The following PDE9A variants were observed in gnomAD, a reference collection of about 807,000 sequenced individuals.
PDE9A encodes the protein phosphodiesterase 9A, also known as high affinity cGMP-specific 3',5'-cyclic phosphodiesterase 9A.
Under a neutral mutation model 87.4 loss-of-function variants are expected in PDE9A, and 60 were observed. The ratio of observed to expected loss-of-function variants is 0.69; its 90% CI spans 0.56 to 0.85. PDE9A has a LOEUF of 0.85. Among genes scored for constraint, PDE9A ranks in the 40% least tolerant of loss-of-function variants. PDE9A has a pLI of 0.00. For missense variants in PDE9A, 665 were observed against 779.0 expected (o/e 0.85, Z 1.74); for synonymous variants, 272 against 279.4 (o/e 0.97, Z 0.27).
At chr21:42,708,596 C>T (rs535981136) in intron 4 of PDE9A, among the ~76,000 whole-genome samples, 194 of 152,188 alleles carry the variant, frequency 1.3e-3, no homozygotes, top group African/African-American at 4.3e-3. Context: ...CTCTTGTTGC[C>T]GAGGCTGGAG....
rs113732074 is a variant in PDE9A at position 42,755,552 on chromosome 21, A to G, written c.810+1488A>G. On this transcript the variant is annotated intron_variant, in intron 10 of 19. Coordinates refer to ENST00000291539, the MANE Select transcript of PDE9A (RefSeq NM_002606.3). ...AGAGACGACAGAAGAGGCTTTAAAT[A>G]TGCAGAATGACTGTCTAGGTCAACG... 3.1e-4 allele frequency among the ~76,000 whole-genome samples: 47 copies of G among 152,340 alleles called. 1 individual carries two copies. The highest frequency in any genetic ancestry group is 3.4e-3 in the Middle Eastern group (1 of 294).
At position 42,666,274 on chromosome 21, in the gene PDE9A, G is replaced by A. The variant is rs528346072; in HGVS notation, c.69+12391G>A. ...TTGGACTTGGGTTCTCCTTGTCGAC[G>A]AGGATCTCAGCTGGAGCTGCCAGGG... On this transcript the variant is annotated intron_variant, in intron 1 of 19. Transcript: ENST00000291539. Among the ~76,000 whole-genome samples the A allele has an allele frequency of 4.6e-5, 7 of 152,320 alleles. 1 individual carries two copies. The South Asian group carries it at 8.3e-4, about 18-fold the overall frequency.
At chr21:42,674,418 G>T (rs1305150086) in intron 1 of PDE9A, among the ~76,000 whole-genome samples, 1 of 151,236 alleles carries the variant, frequency 6.6e-6, no homozygotes, top group East Asian at 1.9e-4. Context: ...TGGCCCTTGG[G>T]GAGTGAGGCC....
At position 42,675,008 on chromosome 21, in the gene PDE9A, G is replaced by A. The variant is rs2058766897; in HGVS notation, c.70-11184G>A. On this transcript the variant is annotated intron_variant, in intron 1 of 19. Coordinates refer to ENST00000291539, the MANE Select transcript of PDE9A (RefSeq NM_002606.3). The surrounding 1 kb of genome is among the most constrained non-coding windows in gnomAD (Gnocchi z 4.3). The stretch of plus-strand genomic sequence containing the variant: ...CTGAAAAATGCAGAACAGTATCAGG[G>A]AGAAAATAACTCATCCCCCACTACC... Among the ~76,000 whole-genome samples, 6 of 152,276 alleles carry A rather than the reference G, an allele frequency of 3.9e-5. No homozygotes were observed. In the South Asian group the frequency reaches 1.2e-3, roughly 32 times the overall value.
chr21:42,733,008 C>T (rs1381067664), intron 6 of PDE9A, among the ~76,000 whole-genome samples: 1 of 152,204 alleles, frequency 6.6e-6, no homozygotes, highest in African/African-American at 2.4e-5. Flanking sequence ...TGTCTGTGCC[C>T]ATCAGGGGAA....
chr21:42,749,355 G>C (rs2146965322), intron 8 of PDE9A, among the ~76,000 whole-genome samples: 1 of 152,270 alleles, frequency 6.6e-6, no homozygotes, highest in Non-Finnish European at 1.5e-5. Flanking sequence ...CAAGTACACA[G>C]GGAGCCTGTT....
intron 4 of PDE9A, among the ~76,000 whole-genome samples, chr21:42,700,432 A>G (rs2048290496): frequency 6.6e-6 from 1 of 152,246 alleles, no homozygotes; most frequent in East Asian, 1.9e-4. Context: ...CATATACTTA[A>G]CCGTCTTCCC....
At chr21:42,772,317 G>C (rs2057094259) in intron 18 of PDE9A, 122 bp from the exon 19 acceptor site, 1 of 654,432 alleles carries the variant, frequency 1.5e-6, no homozygotes, top group South Asian at 1.7e-5. Context: ...GCTCAGAGGG[G>C]CTGGGGACCA....
chr21:42,695,501 G>A lies in PDE9A; in HGVS notation c.219-3467G>A, dbSNP rs2060092500. Among the ~76,000 whole-genome samples the A allele has an allele frequency of 6.6e-6, 1 of 152,250 alleles. No homozygotes were observed. Among genetic ancestry groups the A allele is most frequent in the Non-Finnish European group, 1.5e-5 (1 of 68,052 alleles). On this transcript the variant is annotated intron_variant, in intron 3 of 19. Coordinates refer to ENST00000291539, the MANE Select transcript of PDE9A (RefSeq NM_002606.3). The surrounding 1 kb of genome is among the most constrained non-coding windows in gnomAD (Gnocchi z 4.3). ...GACACATACAGAGGGGAGAGGGCCA[G>A]AGGACGGCGCCGTGCGACACACACC...
At chr21:42,750,139 A>AAAAT (rs770085107) in intron 8 of PDE9A, among the ~76,000 whole-genome samples, 1 of 151,972 alleles carries the variant, frequency 6.6e-6, no homozygotes, top group Non-Finnish European at 1.5e-5. Context: ...CTCTGTCTCA[A>AAAAT]AAATAAATAA....
At chr21:42,764,110 G>C (rs2056110200) in intron 14 of PDE9A, among the ~76,000 whole-genome samples, 1 of 152,248 alleles carries the variant, frequency 6.6e-6, no homozygotes, top group Non-Finnish European at 1.5e-5. Flanking sequence ...CAGGAGAACA[G>C]ATGGGTGTGC....
intron 4 of PDE9A, among the ~76,000 whole-genome samples, chr21:42,730,761 C>A (rs750607092): frequency 4.6e-5 from 7 of 152,108 alleles, no homozygotes; most frequent in Non-Finnish European, 8.8e-5. Context: ...TAATGAGTCT[C>A]CATTGGGTGG....
chr21:42,697,358 C>G, intron 3 of PDE9A: 1 of 1,040,144 alleles, frequency 9.6e-7, no homozygotes, highest in Non-Finnish European at 1.5e-6. Flanking sequence ...CCCAGTTAAT[C>G]ACCATGAACA....
At chr21:42,670,346 TTA>T (rs2058412664) in intron 1 of PDE9A, among the ~76,000 whole-genome samples, 5 of 112,464 alleles carry the variant, frequency 4.4e-5, no homozygotes, top group Non-Finnish European at 7.8e-5. Context: ...TCACATACAT[TTA>T]CACACACATC....
intron 4 of PDE9A, among the ~76,000 whole-genome samples, chr21:42,717,550 A>AT (rs2050064936): frequency 1.1e-5 from 1 of 92,080 alleles, no homozygotes; most frequent in Non-Finnish European, 2.0e-5. Flanking sequence ...TCTCAAAAAA[A>AT]AAAAAATTTT....
intron 4 of PDE9A, among the ~76,000 whole-genome samples, chr21:42,701,468 T>C (rs2048377980): frequency 6.6e-6 from 1 of 152,092 alleles, no homozygotes; most frequent in Non-Finnish European, 1.5e-5. Context: ...ATAAAGTCTT[T>C]GTCTGTTGCC....
Position 42,769,093 on chromosome 21 carries a change from G to T in PDE9A, c.1528G>T (p.Ala510Ser). ...CATGGACCGAGACAAAGTGACCAAGGCCACAGCCCAGATTGGGTTCATCAA... is the reference window on the plus strand; with the variant it reads ...CATGGACCGAGACAAAGTGACCAAGTCCACAGCCCAGATTGGGTTCATCAA... The part of the protein sequence containing the change: ...PFMDRDKVTK[A>S]TAQIGFIKFV... Residue 510 changes from alanine to serine, a missense_variant, in exon 17 of 20, where the codon GCC becomes TCC. Transcript: ENST00000291539. The T allele has an allele frequency of 6.2e-7, 1 of 1,613,902 alleles. No individual in the cohort carries two copies. The highest frequency in any genetic ancestry group is 8.5e-7 in the Non-Finnish European group (1 of 1,179,804).
Position 42,693,299 on chromosome 21 carries a change from C to CT in PDE9A, c.218+5322dup, listed in dbSNP as rs10714757. Among the ~76,000 whole-genome samples the CT allele has an allele frequency of 4.5e-3, 602 of 133,336 alleles. 3 individuals carry two copies. The highest frequency in any genetic ancestry group is 6.7e-3 in the African/African-American group (229 of 34,282). 87.5% of individuals were successfully genotyped at this position (133,336 alleles called of 152,430 possible). A position where few individuals can be genotyped will look rare whatever the true frequency, so the allele number is the denominator to read the frequency against. ...CTGCAGATTGCAACCACCCAGGAAT[C>CT]TTTTTTTTTTTTTTTTTGAGACGGA... On this transcript the variant is annotated intron_variant, in intron 3 of 19. Coordinates refer to ENST00000291539, the MANE Select transcript of PDE9A (RefSeq NM_002606.3).
At position 42,722,264 on chromosome 21, in the gene PDE9A, C is replaced by T. The variant is rs762624069; in HGVS notation, c.263-9506C>T. 6.6e-6 allele frequency among the ~76,000 whole-genome samples: 1 copy of T among 152,206 alleles called. No individual in the cohort carries two copies. The highest frequency in any genetic ancestry group is 1.5e-5 in the Non-Finnish European group (1 of 68,032). Reference sequence around the variant, plus strand: ...GTGCTGAGATTACAGGCGTGAGCCACCATGCCCGTCCAGCAGAGGTATTTT... The same window carrying T: ...GTGCTGAGATTACAGGCGTGAGCCATCATGCCCGTCCAGCAGAGGTATTTT... On this transcript the variant is annotated intron_variant, in intron 4 of 19. Transcript: ENST00000291539. This position sits in a 1 kb window ranked among gnomAD's most constrained non-coding sequence, Gnocchi z 4.1.
Sources: allele counts gnomAD v4.1 joint callset (sites outside exome capture counted in the v4.1 genomes callset), GRCh38; gene constraint gnomAD v4.1.1; non-coding constraint Gnocchi (gnomAD v3.1); transcripts MANE v1.5; gene names NCBI Gene and HGNC (gene_info 2026-07-23, HGNC 2026-07-21).